CDH17: variants seen among roughly 807,000 people sequenced by gnomAD.
The protein encoded by CDH17 is cadherin 17.
A neutral mutation model predicts 86.3 loss-of-function variants in CDH17; 67 were observed. The observed-to-expected ratio is 0.78, with a 90% CI of 0.64 to 0.95. The LOEUF is 0.95. Among genes scored for constraint, CDH17 ranks in the 40% least tolerant of loss-of-function variants. The pLI, the probability that CDH17 is intolerant of heterozygous loss-of-function variation, is 0.00. For synonymous variants in CDH17, 367 were observed against 366.4 expected (o/e 1.00, Z -0.02); for missense variants, 993 against 1,017.6 (o/e 0.98, Z 0.33).
intron 1 of CDH17, among the ~76,000 whole-genome samples, chr8:94,199,066 TATATATATATA>T (rs1813847367): frequency 8.7e-5 from 2 of 23,070 alleles, no homozygotes; most frequent in African/African-American, 2.7e-4. Context: ...TATATATATA[TATATATATATA>T]TATATATTTT....
Position 94,174,250 on chromosome 8 carries a change from G to T in CDH17, c.435C>A (p.Phe145Leu). 6.3e-7 allele frequency: 1 copy of T among 1,581,126 alleles called. No individual in the cohort carries two copies. Among genetic ancestry groups the T allele is most frequent in the Non-Finnish European group, 8.6e-7 (1 of 1,164,770 alleles). ...VRQNSRPGKP[F>L]LYVNATDLDD... is the part of the protein sequence containing the mutation. ...CCAGGTCTGTGGCATTGACATACAA[G>T]AAGGGCTTTCCTGTTTAACAAGACG... The change falls in exon 6 of 18, where the codon TTC becomes TTA. Residue 145 changes from phenylalanine to leucine, a missense_variant. Physicochemically the swap from Phe to Leu is conservative, Grantham distance 22. Transcript: ENST00000027335.
chr8:94,187,505 A>G (rs1358429699), intron 3 of CDH17, among the ~76,000 whole-genome samples: 7 of 152,174 alleles, frequency 4.6e-5, no homozygotes, highest in Admixed American at 3.9e-4. Flanking sequence ...TAAGTAATTC[A>G]ACTCTGTGTG....
At chr8:94,177,309 A>G (rs1813392664) in intron 4 of CDH17, among the ~76,000 whole-genome samples, 1 of 152,136 alleles carries the variant, frequency 6.6e-6, no homozygotes, top group Non-Finnish European at 1.5e-5. Context: ...TGATCCAAGT[A>G]CCTAAGCATG....
At chr8:94,135,401 C>T (rs1435333820) in intron 15 of CDH17, among the ~76,000 whole-genome samples, 1 of 152,164 alleles carries the variant, frequency 6.6e-6, no homozygotes, top group African/African-American at 2.4e-5. Flanking sequence ...GATCCCTTTA[C>T]CATTATGTAA....
rs151133817 is a variant in CDH17 at position 94,148,721 on chromosome 8, G to GTT, written c.1927+21_1927+22dup. On this transcript the variant is annotated intron_variant, in intron 14 of 17. Transcript: ENST00000027335. Reference sequence around the variant, plus strand: ...TGATAATCTGTGTTCCTTTTTTTTTGTTTTTTTTTTTTTTTTGCTTACCTA... The same window carrying GTT: ...TGATAATCTGTGTTCCTTTTTTTTTGTTTTTTTTTTTTTTTTTTGCTTACCTA... 2,316 of 1,119,164 alleles carry GTT rather than the reference G, an allele frequency of 2.1e-3. 2 individuals carry two copies. The highest frequency in any genetic ancestry group is 8.8e-3 in the African/African-American group (421 of 47,894). 69.3% of individuals were successfully genotyped at this position (1,119,164 alleles called of 1,614,324 possible).
intron 2 of CDH17, among the ~76,000 whole-genome samples, chr8:94,191,555 G>T (rs898799739): frequency 1.3e-5 from 2 of 150,198 alleles, no homozygotes; most frequent in African/African-American, 2.5e-5. Context: ...AGGTTCAAGC[G>T]ATTCGCCTGC....
At chr8:94,131,525 G>A (rs1812415350) in intron 15 of CDH17, among the ~76,000 whole-genome samples, 1 of 152,044 alleles carries the variant, frequency 6.6e-6, no homozygotes, top group Non-Finnish European at 1.5e-5. Context: ...TTGCAGTTTT[G>A]GACATTACTT....
intron 1 of CDH17, among the ~76,000 whole-genome samples, chr8:94,195,112 C>T (rs1813757877): frequency 6.6e-6 from 1 of 152,174 alleles, no homozygotes; most frequent in Non-Finnish European, 1.5e-5. Flanking sequence ...AGCAGTTCTC[C>T]CACCTTAGCT....
At chr8:94,182,576 T>C (rs555057215) in intron 3 of CDH17, among the ~76,000 whole-genome samples, 1 of 152,052 alleles carries the variant, frequency 6.6e-6, no homozygotes, top group East Asian at 1.9e-4. Flanking sequence ...CCTTTCATGA[T>C]AAAAACACTC....
At chr8:94,169,898 A>G (rs1813234086) in intron 9 of CDH17, among the ~76,000 whole-genome samples, 1 of 152,194 alleles carries the variant, frequency 6.6e-6, no homozygotes, top group Non-Finnish European at 1.5e-5. Context: ...GAATTATATT[A>G]TCAGCTTCTT....
chr8:94,191,551 A>C (rs2130666281), intron 2 of CDH17, among the ~76,000 whole-genome samples: 1 of 150,790 alleles, frequency 6.6e-6, no homozygotes, highest in Non-Finnish European at 1.5e-5. Flanking sequence ...TCCCAGGTTC[A>C]AGCGATTCGC....
chr8:94,148,673 C>T (rs1416789286), intron 14 of CDH17, 71 bp downstream of exon 14: 1 of 1,317,372 alleles, frequency 7.6e-7, no homozygotes, highest in African/African-American at 1.5e-5. Context: ...TATCCTCCCT[C>T]CCATTTCAAC....
chr8:94,202,469 T>C (rs1214591222), intron 1 of CDH17: 2 of 153,066 alleles, frequency 1.3e-5, no homozygotes, highest in Admixed American at 6.5e-5. Context: ...CTGCACCCAG[T>C]CCTGATATCA....
At chr8:94,149,367 ATT>A (rs1812814999) in intron 13 of CDH17, among the ~76,000 whole-genome samples, 1 of 152,168 alleles carries the variant, frequency 6.6e-6, no homozygotes, top group South Asian at 2.1e-4. Flanking sequence ...ACAAACATCT[ATT>A]GAGTGCTGAG....
intron 3 of CDH17, among the ~76,000 whole-genome samples, chr8:94,178,925 G>C (rs943468969): frequency 9.2e-5 from 14 of 151,860 alleles, no homozygotes; most frequent in African/African-American, 3.4e-4. Context: ...GGTGGAGTAA[G>C]GGCCTACAGA....
chr8:94,191,303 C>T (rs1208878794), intron 2 of CDH17, among the ~76,000 whole-genome samples: 1 of 152,136 alleles, frequency 6.6e-6, no homozygotes, highest in Admixed American at 6.5e-5. Flanking sequence ...AAAAGTAGCC[C>T]AAGTCTCTGC....
Position 94,194,676 on chromosome 8 carries a change from G to A in CDH17, c.10C>T (p.Gln4Ter), listed in dbSNP as rs1299719037. The A allele has an allele frequency of 1.9e-6, 3 of 1,605,180 alleles. No homozygotes were observed. Among genetic ancestry groups the A allele is most frequent in the Non-Finnish European group, 2.6e-6 (3 of 1,173,798 alleles). The part of the protein sequence containing the change: MIL[Q>*]AHLHSLCLLM... The stretch of plus-strand genomic sequence containing the variant: ...AGACACAGGGAGTGAAGATGGGCCT[G>A]AAGTATCATAGTTTTCTTTATTCAA... Residue 4 changes from glutamine (Q) to a stop codon, truncating the protein, a stop_gained, in exon 2 of 18, where the codon CAG becomes TAG. Coordinates refer to ENST00000027335, the MANE Select transcript of CDH17 (RefSeq NM_004063.4). LOFTEE classifies it high-confidence loss of function.
intron 9 of CDH17, among the ~76,000 whole-genome samples, chr8:94,169,349 GCACAGAACACAGTGA>G (rs1345529910): frequency 2.0e-5 from 3 of 152,114 alleles, no homozygotes; most frequent in African/African-American, 7.2e-5. Context: ...GAGAGGACCT[GCACAGAACACAGTGA>G]CACAGAACAC....
chr8:94,135,544 G>T (rs1395447432), intron 15 of CDH17, among the ~76,000 whole-genome samples: 1 of 152,112 alleles, frequency 6.6e-6, no homozygotes, highest in Non-Finnish European at 1.5e-5. Flanking sequence ...TTGAGTCTAT[G>T]TGTTTCTCTG....
Sources: allele counts gnomAD v4.1 joint callset (sites outside exome capture counted in the v4.1 genomes callset), GRCh38; gene constraint gnomAD v4.1.1; transcripts MANE v1.5; gene names NCBI Gene and HGNC (gene_info 2026-07-23, HGNC 2026-07-21).